The following TUBE1 variants were observed in gnomAD, a reference collection of about 807,000 sequenced individuals.
TUBE1 encodes tubulin epsilon 1.
A neutral mutation model predicts 53.5 loss-of-function variants in TUBE1; 34 were observed. The observed-to-expected ratio is 0.64, with a 90% CI of 0.48 to 0.85. TUBE1 has a LOEUF of 0.85. TUBE1 is among the 40% of genes least tolerant of loss of function. TUBE1 has a pLI of 0.00. For missense variants in TUBE1, 532 were observed against 570.5 expected (o/e 0.93, Z 0.69); for synonymous variants, 177 against 198.4 (o/e 0.89, Z 0.91).
intron 9 of TUBE1, among the ~76,000 whole-genome samples, chr6:112,074,033 C>T (rs928015322): frequency 6.6e-6 from 1 of 152,202 alleles, no homozygotes; most frequent in Admixed American, 6.5e-5. Flanking sequence ...AGCCACTGCA[C>T]TCAGCCAATT....
chr6:112,075,041 C>A (rs1776935019), intron 8 of TUBE1, 191 bp from the exon 9 acceptor site: 2 of 299,868 alleles, frequency 6.7e-6, no homozygotes, highest in African/African-American at 2.2e-5. Context: ...AAATATAACA[C>A]ACAACATCTA....
At chr6:112,083,040 G>C (rs1777094880) in intron 4 of TUBE1, among the ~76,000 whole-genome samples, 1 of 151,978 alleles carries the variant, frequency 6.6e-6, no homozygotes, top group African/African-American at 2.4e-5. Flanking sequence ...TACGGTTGTA[G>C]GAAAAAGATT....
Position 112,087,449 on chromosome 6 carries a change from G to T in TUBE1, c.-15C>A. 6.5e-7 allele frequency: 1 copy of T among 1,549,510 alleles called. No homozygotes were observed. The highest frequency in any genetic ancestry group is 8.7e-7 in the Non-Finnish European group (1 of 1,145,834). Reference sequence around the variant, plus strand: ...GACTGGGTCATGGTGGTGCGCCGCCGGCTCCGGGAGCTTGCTAGCCCGCGG... The same window carrying T: ...GACTGGGTCATGGTGGTGCGCCGCCTGCTCCGGGAGCTTGCTAGCCCGCGG... On this transcript the variant is annotated 5_prime_UTR_variant, in exon 1 of 12. Transcript: ENST00000368662.
At chr6:112,078,561 G>A (rs1338465963) in intron 6 of TUBE1, 2 of 152,020 alleles carry the variant, frequency 1.3e-5, no homozygotes, top group African/African-American at 2.4e-5. Flanking sequence ...TGTAAGGACA[G>A]GGAGTAGGCA....
Position 112,076,480 on chromosome 6 carries a change from A to G in TUBE1, c.478T>C (p.Leu160=), listed in dbSNP as rs781960626. The G allele has an allele frequency of 7.5e-6, 12 of 1,610,028 alleles. No homozygotes were observed. The East Asian group carries it at 2.7e-4, about 36-fold the overall frequency. The change falls in exon 7 of 12, where the codon TTA becomes CTA. Residue 160 remains leucine (L), a synonymous_variant. Transcript: ENST00000368662. ...GTGSGLGTFL[L]KVLEDEFPEV... is the part of the protein sequence containing the mutation. ...GGGAATTCGTCTTCAAGCACCTTTAAAAGAAATGTGCCAAGTCCAGATCCT... is the reference window on the plus strand; with the variant it reads ...GGGAATTCGTCTTCAAGCACCTTTAGAAGAAATGTGCCAAGTCCAGATCCT...
chr6:112,085,456 C>T lies in TUBE1; in HGVS notation c.152+1100G>A, dbSNP rs76465064. 194 of 323,268 alleles carry T rather than the reference C, an allele frequency of 6.0e-4. 2 individuals are homozygous for T. The East Asian group carries it at 0.01, about 17-fold the overall frequency. 20.0% of individuals were successfully genotyped at this position (323,268 alleles called of 1,614,324 possible). A position where few individuals can be genotyped will look rare whatever the true frequency, so the allele number is the denominator to read the frequency against. ...CAGGCTGAGTCTCAACTATGTAATA[C>T]TCAATGTAAGCGTTGGGTAACAAGA... is the stretch of plus-strand genomic sequence containing the variant. On this transcript the variant is annotated intron_variant, in intron 3 of 11. Transcript: ENST00000368662.
intron 3 of TUBE1, among the ~76,000 whole-genome samples, chr6:112,086,137 T>C (rs1777151847): frequency 6.6e-6 from 1 of 152,248 alleles, no homozygotes; most frequent in African/African-American, 2.4e-5. Context: ...AGATAAAACA[T>C]ATATGGTACT....
At position 112,076,424 on chromosome 6, in the gene TUBE1, A is replaced by G; in HGVS notation, c.534T>C (p.Tyr178=). The G allele has an allele frequency of 1.9e-6, 3 of 1,613,704 alleles. No homozygotes were observed. The highest frequency in any genetic ancestry group is 2.5e-6 in the Non-Finnish European group (3 of 1,179,830). Residue 178 remains tyrosine (Y), a synonymous_variant, in exon 7 of 12, where the codon TAT becomes TAC. Transcript: ENST00000368662. ...PEVYRFVTSI[Y]PSGEDDVITS... is the part of the protein sequence containing the mutation. Reference sequence around the variant, plus strand: ...TTATGACATCATCCTCACCAGAAGGATAAATGGAAGTCACAAATCTGTATA... The same window carrying G: ...TTATGACATCATCCTCACCAGAAGGGTAAATGGAAGTCACAAATCTGTATA...
chr6:112,074,089 G>T (rs1013269559), intron 9 of TUBE1, among the ~76,000 whole-genome samples: 10 of 152,132 alleles, frequency 6.6e-5, no homozygotes, highest in Non-Finnish European at 1.3e-4. Flanking sequence ...ACAGAGTTTG[G>T]CAGGACTTTT....
In TUBE1 at chr6:112,071,439, A is replaced by T; in HGVS notation, c.1401T>A (p.Asp467Glu). The change falls in exon 12 of 12, where the codon GAT becomes GAA. Residue 467 changes from aspartate to glutamate, a missense_variant. Coordinates refer to ENST00000368662, the MANE Select transcript of TUBE1 (RefSeq NM_016262.5). Reference protein sequence around the residue: ...LDATKNMPVQDLPRLSIAM With the variant: ...LDATKNMPVQELPRLSIAM ...ACATAGCTATGCTTAGTCTGGGTAAATCCTGCACAGGCATGTTTTTTGTGG... is the reference window on the plus strand; with the variant it reads ...ACATAGCTATGCTTAGTCTGGGTAATTCCTGCACAGGCATGTTTTTTGTGG... 6.2e-7 allele frequency: 1 copy of T among 1,604,844 alleles called. No individual in the cohort carries two copies. The highest frequency in any genetic ancestry group is 8.5e-7 in the Non-Finnish European group (1 of 1,173,996).
In TUBE1 at chr6:112,076,342, C is replaced by G. The variant is rs782031682; in HGVS notation, c.616G>C (p.Val206Leu). Residue 206 changes from valine (V) to leucine (L), a missense_variant, in exon 7 of 12, where the codon GTA becomes CTA. Physicochemically the swap from Val to Leu is conservative, Grantham distance 32 (BLOSUM62 1). Coordinates refer to ENST00000368662, the MANE Select transcript of TUBE1 (RefSeq NM_016262.5). ...CTTACTTGATTGTCAATGGGCAATA[C>G]ACAGTCTGCATGCTCATTAAGTTCC... ...MKELNEHADC[V>L]LPIDNQSLFD... 6.3e-7 allele frequency: 1 copy of G among 1,590,614 alleles called. No individual in the cohort carries two copies.
intron 6 of TUBE1, 200 bp downstream of exon 6, chr6:112,079,433 A>G (rs1200940451): frequency 1.2e-5 from 5 of 426,650 alleles, no homozygotes; most frequent in African/African-American, 4.1e-5. Flanking sequence ...AAAAAAAAAA[A>G]AAAGAAAAGA....
chr6:112,076,620 G>A (rs1439740806), intron 6 of TUBE1, 111 bp from the exon 7 acceptor site: 7 of 927,224 alleles, frequency 7.5e-6, no homozygotes, highest in African/African-American at 6.8e-5. Flanking sequence ...CACCCAGGCT[G>A]GAGTGCAGCA....
rs1776873345 is a variant in TUBE1 at position 112,071,929 on chromosome 6, CTCTT to C, written c.1238_1241del (p.Lys413ArgfsTer4). On this transcript the variant is annotated frameshift_variant, in exon 11 of 12. Coordinates refer to ENST00000368662, the MANE Select transcript of TUBE1 (RefSeq NM_016262.5). LOFTEE classifies it high-confidence loss of function. ...TTTTCTTGTAGAGCCTCATGAATCT[CTCTT>C]TCAGTTCCATGAAGGTGGGCTTCAC... is the stretch of plus-strand genomic sequence containing the variant. 18 of 1,606,218 alleles carry C rather than the reference CTCTT, an allele frequency of 1.1e-5. No individual in the cohort carries two copies. Among genetic ancestry groups the C allele is most frequent in the Non-Finnish European group, 1.5e-5 (18 of 1,178,062 alleles).
Position 112,071,575 on chromosome 6 carries a change from A to G in TUBE1, c.1270-5T>C. On this transcript the variant is annotated splice_polypyrimidine_tract_variant and splice_region_variant and intron_variant, in intron 11 of 11. Transcript: ENST00000368662. ...TAGATAGTGATGAAGGTGAGCCTATAAATTAAAAAATTAGGTAACGTTTAC... is the reference window on the plus strand; with the variant it reads ...TAGATAGTGATGAAGGTGAGCCTATGAATTAAAAAATTAGGTAACGTTTAC... 6.3e-7 allele frequency: 1 copy of G among 1,589,166 alleles called. No homozygotes were observed.
intron 3 of TUBE1, chr6:112,085,747 C>T (rs1554317247): frequency 4.2e-6 from 2 of 470,756 alleles, no homozygotes; most frequent in South Asian, 3.1e-5. Context: ...AGATTTCCTA[C>T]AAAAGATAAA....
chr6:112,076,713 G>C (rs587714054), intron 6 of TUBE1: 1 of 397,962 alleles, frequency 2.5e-6, no homozygotes, highest in African/African-American at 2.1e-5. Context: ...GGGACCGCAG[G>C]CATGAGCCAC....
chr6:112,077,357 T>G (rs1421569723), intron 6 of TUBE1: 1 of 152,194 alleles, frequency 6.6e-6, no homozygotes, highest in Non-Finnish European at 1.5e-5. Flanking sequence ...CAAGTTACAT[T>G]TACATAAATT....
At chr6:112,074,920 TA>T (rs1776933128) in intron 8 of TUBE1, 70 bp from the exon 9 acceptor site, 1 of 1,094,092 alleles carries the variant, frequency 9.1e-7, no homozygotes, top group African/African-American at 1.6e-5. Flanking sequence ...TAGCTCGATT[TA>T]TTCAGCAGGT....
Sources: allele counts gnomAD v4.1 joint callset (sites outside exome capture counted in the v4.1 genomes callset), GRCh38; gene constraint gnomAD v4.1.1; transcripts MANE v1.5; gene names NCBI Gene and HGNC (gene_info 2026-07-23, HGNC 2026-07-21).